The following RBL1 variants were observed in gnomAD, a reference collection of about 807,000 sequenced individuals.
RBL1 encodes the protein retinoblastoma-like protein 1.
In RBL1, 82 loss-of-function variants were observed where a neutral mutation model predicts 123.0. The ratio of observed to expected loss-of-function variants is 0.67; its 90% CI spans 0.56 to 0.80. RBL1 has a LOEUF of 0.80. RBL1 is among the 30% of genes least tolerant of loss of function. The probability of loss-of-function intolerance (pLI) is 0.00; values close to 1 mark genes in which losing one functional copy is unlikely to be tolerated. For synonymous variants in RBL1, 405 were observed against 441.3 expected (o/e 0.92, Z 1.03); for missense variants, 1,171 against 1,299.6 (o/e 0.90, Z 1.52).
In RBL1 at chr20:37,022,664, A is replaced by C; in HGVS notation, c.2545T>G (p.Tyr849Asp). 6.2e-7 allele frequency: 1 copy of C among 1,609,510 alleles called. No homozygotes were observed. The highest frequency in any genetic ancestry group is 8.5e-7 in the Non-Finnish European group (1 of 1,177,684). The change falls in exon 17 of 22, where the codon TAT becomes GAT. Residue 849 changes from tyrosine (Y) to aspartate (D), a missense_variant. By Grantham distance (160) the Tyr-to-Asp change is radical. Coordinates refer to ENST00000373664, the MANE Select transcript of RBL1 (RefSeq NM_002895.5). ...TTATACATTACCTTTGCCATGATAT[A>C]AAAGGCACAAAGGAGGAGCTGATCC... The part of the protein sequence containing the change: ...HLDQLLLCAF[Y>D]IMAKVTKEER...
At chr20:37,046,678 G>A (rs1026533678) in intron 12 of RBL1, among the ~76,000 whole-genome samples, 1 of 149,046 alleles carries the variant, frequency 6.7e-6, no homozygotes, top group Non-Finnish European at 1.5e-5. Flanking sequence ...TATGATCTCC[G>A]CTCACTGCAA....
chr20:37,026,187 T>C (rs929676071), intron 16 of RBL1, among the ~76,000 whole-genome samples: 1 of 152,178 alleles, frequency 6.6e-6, no homozygotes, highest in Non-Finnish European at 1.5e-5. Flanking sequence ...AGATAATCAC[T>C]ATGCCCGAGG....
chr20:37,070,495 CAT>C (rs1465704304), intron 2 of RBL1, among the ~76,000 whole-genome samples: 1 of 149,616 alleles, frequency 6.7e-6, no homozygotes, highest in African/African-American at 2.5e-5. Context: ...AAAAAAAAAA[CAT>C]AAAATAAAAT....
intron 21 of RBL1, among the ~76,000 whole-genome samples, chr20:37,003,244 C>T (rs1277259530): frequency 6.6e-6 from 1 of 152,168 alleles, no homozygotes; most frequent in Non-Finnish European, 1.5e-5. Context: ...CAATCATGTC[C>T]ATACCACATC....
Position 37,047,310 on chromosome 20 carries a change from T to C in RBL1, c.1468-120A>G, listed in dbSNP as rs2064831599. The C allele has an allele frequency of 3.3e-5, 39 of 1,178,570 alleles. 1 individual carries two copies. In the South Asian group the frequency reaches 6.6e-4, roughly 20 times the overall value. 73.0% of individuals were successfully genotyped at this position (1,178,570 alleles called of 1,614,324 possible). On this transcript the variant is annotated intron_variant, in intron 11 of 21. Transcript: ENST00000373664. ...TGCAAATTATATTACACTAGATTAC[T>C]GGAGATAAAAATTTGAGTTCTCAAA... is the stretch of plus-strand genomic sequence containing the variant.
chr20:37,095,339 T>C (rs916694876), intron 1 of RBL1, among the ~76,000 whole-genome samples: 2 of 152,200 alleles, frequency 1.3e-5, no homozygotes, highest in African/African-American at 4.8e-5. Flanking sequence ...CGTCTAGGGC[T>C]CCGCTTCCTC....
chr20:37,084,926 C>T (rs1436001202), intron 2 of RBL1, among the ~76,000 whole-genome samples: 2 of 151,590 alleles, frequency 1.3e-5, no homozygotes, highest in Non-Finnish European at 2.9e-5. Flanking sequence ...CCACCATGCC[C>T]GACTAATTTT....
Position 37,062,179 on chromosome 20 carries a change from T to C in RBL1, c.988A>G (p.Ile330Val). Residue 330 changes from isoleucine (I) to valine (V), a missense_variant, in exon 8 of 22, where the codon ATT becomes GTT. Transcript: ENST00000373664. Reference sequence around the variant, plus strand: ...CGAGTGAACTTTCGAGGTGTTCCAATTTCCTCTTCTGCGTCTGCTCCCAAA... The same window carrying C: ...CGAGTGAACTTTCGAGGTGTTCCAACTTCCTCTTCTGCGTCTGCTCCCAAA... ...IFLGADAEEE[I>V]GTPRKFTRDT... 1 of 1,614,192 alleles carries C rather than the reference T, an allele frequency of 6.2e-7. No individual in the cohort carries two copies. The highest frequency in any genetic ancestry group is 8.5e-7 in the Non-Finnish European group (1 of 1,180,034).
chr20:37,085,931 G>A (rs1342020667), intron 2 of RBL1, among the ~76,000 whole-genome samples: 1 of 151,868 alleles, frequency 6.6e-6, no homozygotes, highest in Non-Finnish European at 1.5e-5. Context: ...CTACAGGCGT[G>A]AGCCACCGCG....
Position 36,998,916 on chromosome 20 carries a change from A to G in RBL1, c.3050T>C (p.Ile1017Thr). Residue 1017 changes from isoleucine to threonine, a missense_variant, in exon 22 of 22, where the codon ATC (isoleucine) becomes ACC (threonine). Ile to Thr is a moderately conservative substitution (Grantham distance 89). Coordinates refer to ENST00000373664, the MANE Select transcript of RBL1 (RefSeq NM_002895.5). ...CTCACCTTGCCTTATCATGTTGTTG[A>G]TATCTTTCAAACTCTGTGCAGAAAT... ...NGSPSKSLKD[I>T]NNMIRQGEQR... is the part of the protein sequence containing the mutation. 1.2e-6 allele frequency: 2 copies of G among 1,612,398 alleles called. No individual in the cohort carries two copies. Among genetic ancestry groups the G allele is most frequent in the East Asian group, 2.2e-5 (1 of 44,866 alleles).
chr20:37,021,930 A>G (rs1234160282), intron 17 of RBL1: 1 of 155,166 alleles, frequency 6.4e-6, no homozygotes, highest in African/African-American at 2.4e-5. Flanking sequence ...TTCTTAAAAA[A>G]TGAATCAACC....
intron 7 of RBL1, among the ~76,000 whole-genome samples, chr20:37,064,857 C>G (rs1196012850): frequency 6.6e-6 from 1 of 151,906 alleles, no homozygotes; most frequent in Non-Finnish European, 1.5e-5. Context: ...AACTCCTGAC[C>G]TCAAGTGATC....
intron 16 of RBL1, among the ~76,000 whole-genome samples, chr20:37,031,748 T>C (rs976207708): frequency 5.3e-5 from 8 of 152,146 alleles, no homozygotes; most frequent in African/African-American, 1.9e-4. Flanking sequence ...GCTATTTTTT[T>C]TTCTTCTTAA....
intron 11 of RBL1, chr20:37,049,319 G>A (rs986605538): frequency 2.0e-5 from 13 of 651,558 alleles, no homozygotes; most frequent in African/African-American, 1.6e-4. Context: ...CCTCGGATAC[G>A]ACAGAAAATG....
chr20:37,057,544 A>G (rs1184358613), intron 9 of RBL1, among the ~76,000 whole-genome samples: 1 of 152,112 alleles, frequency 6.6e-6, no homozygotes. Context: ...ATACGTTTTT[A>G]AATTGAGTTA....
intron 2 of RBL1, among the ~76,000 whole-genome samples, chr20:37,072,364 AG>A (rs1191940082): frequency 2.6e-5 from 4 of 152,120 alleles, no homozygotes; most frequent in Non-Finnish European, 4.4e-5. Flanking sequence ...GCTACTCCGG[AG>A]GCTGAGGCAG....
At chr20:37,067,672 AG>A (rs894794427) in intron 3 of RBL1, among the ~76,000 whole-genome samples, 1 of 148,162 alleles carries the variant, frequency 6.7e-6, no homozygotes, top group African/African-American at 2.5e-5. Flanking sequence ...CAGGAGGCTA[AG>A]GTAGGAGAAT....
rs1414747517 is a variant in RBL1 at position 37,020,650 on chromosome 20, G to A, written c.2631+9C>T. ...ATTTTTGGACAGTAGGAAAAATAAT[G>A]TAACTCACGTGACTATTAGCTTGGG... On this transcript the variant is annotated intron_variant, in intron 18 of 21. Coordinates refer to ENST00000373664, the MANE Select transcript of RBL1 (RefSeq NM_002895.5). 6 of 1,543,388 alleles carry A rather than the reference G, an allele frequency of 3.9e-6. No homozygotes were observed. The highest frequency in any genetic ancestry group is 2.6e-6 in the Non-Finnish European group (3 of 1,135,996).
At chr20:37,001,211 TG>T in intron 21 of RBL1, among the ~76,000 whole-genome samples, 1 of 150,436 alleles carries the variant, frequency 6.6e-6, no homozygotes, top group South Asian at 2.1e-4. Flanking sequence ...CCGCCCCTAC[TG>T]GGAAGTGAGG....
Sources: allele counts gnomAD v4.1 joint callset (sites outside exome capture counted in the v4.1 genomes callset), GRCh38; gene constraint gnomAD v4.1.1; transcripts MANE v1.5; gene names NCBI Gene and HGNC (gene_info 2026-07-23, HGNC 2026-07-21).